Variants in SPATA16 observed in about 807,000 individuals in gnomAD.
SPATA16 encodes the protein spermatogenesis associated 16, also known as spermatogenesis-associated protein 16.
A neutral mutation model predicts 63.3 loss-of-function variants in SPATA16; 36 were observed. That is an observed-to-expected ratio of 0.57 (90% CI 0.44 to 0.75). SPATA16 has a LOEUF of 0.75. Among genes scored for constraint, SPATA16 ranks in the 30% least tolerant of loss-of-function variants. SPATA16 has a pLI of 0.00. For synonymous variants in SPATA16, 203 were observed against 216.7 expected, an observed-to-expected ratio of 0.94 and a Z score of 0.56; for missense variants, 646 against 679.3, an observed-to-expected ratio of 0.95 and a Z score of 0.54.
chr3:172,996,258 A>G (rs1734690429), intron 4 of SPATA16, among the ~76,000 whole-genome samples: 1 of 152,098 alleles, frequency 6.6e-6, no homozygotes, highest in Non-Finnish European at 1.5e-5. Flanking sequence ...TGATTACTTA[A>G]TCACTTATTA....
chr3:173,119,303 T>A (rs1268047193), intron 1 of SPATA16, among the ~76,000 whole-genome samples: 1 of 152,096 alleles, frequency 6.6e-6, no homozygotes. Context: ...TGCACATGTA[T>A]CCCAGAACTT....
intron 2 of SPATA16, among the ~76,000 whole-genome samples, chr3:173,098,138 A>T (rs1257883022): frequency 6.7e-6 from 1 of 148,204 alleles, no homozygotes; most frequent in African/African-American, 2.5e-5. Flanking sequence ...TTCATCCCAG[A>T]AGTGAAAAAA....
intron 5 of SPATA16, among the ~76,000 whole-genome samples, chr3:172,961,006 C>CTTT (rs1253806327): frequency 3.9e-4 from 46 of 117,542 alleles, no homozygotes; most frequent in Non-Finnish European, 6.8e-4. Flanking sequence ...CTTTCTCTTT[C>CTTT]TTTCTTTCTT....
At chr3:173,103,777 A>G (rs1737552829) in intron 2 of SPATA16, among the ~76,000 whole-genome samples, 1 of 152,240 alleles carries the variant, frequency 6.6e-6, no homozygotes, top group African/African-American at 2.4e-5. Context: ...CATTTTAGTC[A>G]TGCAAATCTT....
At chr3:172,992,529 G>A (rs1734601623) in intron 4 of SPATA16, among the ~76,000 whole-genome samples, 1 of 152,068 alleles carries the variant, frequency 6.6e-6, no homozygotes, top group African/African-American at 2.4e-5. Flanking sequence ...GGGTGTGTGT[G>A]TTGGCTTGGT....
intron 4 of SPATA16, among the ~76,000 whole-genome samples, chr3:172,987,959 T>C (rs1277732469): frequency 1.3e-5 from 2 of 152,000 alleles, no homozygotes; most frequent in African/African-American, 4.8e-5. Context: ...TCAGAATATA[T>C]AGAGATTATA....
At chr3:173,120,541 A>G (rs973852688) in intron 1 of SPATA16, among the ~76,000 whole-genome samples, 4 of 152,230 alleles carry the variant, frequency 2.6e-5, no homozygotes, top group African/African-American at 9.6e-5. Flanking sequence ...GCTAAAATGT[A>G]CCAGAATATC....
chr3:173,060,796 G>A (rs1482900221), intron 2 of SPATA16, among the ~76,000 whole-genome samples: 2 of 152,076 alleles, frequency 1.3e-5, no homozygotes, highest in South Asian at 2.1e-4. Context: ...ATCTTACTAC[G>A]TAGCACCTCT....
At chr3:172,946,071 A>G (rs1278361847) in intron 6 of SPATA16, among the ~76,000 whole-genome samples, 1 of 152,182 alleles carries the variant, frequency 6.6e-6, no homozygotes, top group Admixed American at 6.5e-5. Flanking sequence ...ATAGGGCACT[A>G]TTCTCTCAGA....
intron 9 of SPATA16, among the ~76,000 whole-genome samples, chr3:172,915,997 G>A (rs1732474931): frequency 6.6e-6 from 1 of 151,962 alleles, no homozygotes; most frequent in Admixed American, 6.6e-5. Flanking sequence ...ATATATCTTG[G>A]AGTTTATTAA....
At chr3:173,111,200 A>G (rs1393750719) in intron 2 of SPATA16, among the ~76,000 whole-genome samples, 1 of 152,180 alleles carries the variant, frequency 6.6e-6, no homozygotes, top group Admixed American at 6.6e-5. Context: ...GGTTATTGCA[A>G]TGATTGTATG....
intron 6 of SPATA16, among the ~76,000 whole-genome samples, chr3:172,943,089 G>C (rs1479825293): frequency 6.6e-6 from 1 of 152,062 alleles, no homozygotes; most frequent in Non-Finnish European, 1.5e-5. Context: ...GAAAATTATT[G>C]ACCCTAGAAT....
chr3:172,972,644 T>TAC (rs1734073302), intron 5 of SPATA16, among the ~76,000 whole-genome samples: 1 of 152,146 alleles, frequency 6.6e-6, no homozygotes, highest in Admixed American at 6.5e-5. Context: ...AATGCTGAAG[T>TAC]TACTATTAGA....
intron 4 of SPATA16, among the ~76,000 whole-genome samples, chr3:172,990,634 C>G (rs1734554540): frequency 6.6e-6 from 1 of 152,116 alleles, no homozygotes; most frequent in African/African-American, 2.4e-5. Flanking sequence ...GAAGGGCACT[C>G]TGGCTGATGA....
At chr3:173,113,208 T>C (rs752521014) in intron 2 of SPATA16, among the ~76,000 whole-genome samples, 3 of 152,224 alleles carry the variant, frequency 2.0e-5, no homozygotes, top group Non-Finnish European at 4.4e-5. Flanking sequence ...GGGAAATTGG[T>C]ATAGCTGTCT....
chr3:173,043,573 TAC>T (rs1735895616), intron 3 of SPATA16, among the ~76,000 whole-genome samples: 1 of 151,982 alleles, frequency 6.6e-6, no homozygotes, highest in Non-Finnish European at 1.5e-5. Context: ...GAAAAGAAAA[TAC>T]AGTCTTTTAT....
At chr3:172,936,864 T>A (rs1355622945) in intron 6 of SPATA16, among the ~76,000 whole-genome samples, 1 of 152,108 alleles carries the variant, frequency 6.6e-6, no homozygotes, top group Non-Finnish European at 1.5e-5. Context: ...TGGGCCACTA[T>A]GGCCAGCTAA....
chr3:172,982,446 T>TG lies in SPATA16; in HGVS notation c.849-5395_849-5394insC, dbSNP rs1734343718. ...GCCTAATGTGTTGTATCTAAAATTA[T>TG]TTTTTACATGATGCCTTCAGTCATA... On this transcript the variant is annotated intron_variant, in intron 4 of 10. Coordinates refer to ENST00000351008, the MANE Select transcript of SPATA16 (RefSeq NM_031955.6). Among the ~76,000 whole-genome samples the TG allele has an allele frequency of 3.3e-5, 5 of 152,328 alleles. No individual in the cohort carries two copies. The South Asian group carries it at 1.0e-3, about 32-fold the overall frequency.
chr3:172,951,396 G>A (rs898834582), intron 6 of SPATA16, among the ~76,000 whole-genome samples: 1 of 151,866 alleles, frequency 6.6e-6, no homozygotes, highest in African/African-American at 2.4e-5. Flanking sequence ...GAAATTATAA[G>A]GGTAATATAA....
Sources: allele counts gnomAD v4.1 joint callset (sites outside exome capture counted in the v4.1 genomes callset), GRCh38; gene constraint gnomAD v4.1.1; transcripts MANE v1.5; gene names NCBI Gene and HGNC (gene_info 2026-07-23, HGNC 2026-07-21).